The following CDC73 variants were observed in gnomAD, a reference collection of about 807,000 sequenced individuals.
CDC73 encodes cell division cycle 73, also known as parafibromin.
Under a neutral mutation model 83.7 loss-of-function variants are expected in CDC73, and 21 were observed. That is an observed-to-expected ratio of 0.25 (90% CI 0.18 to 0.36). The LOEUF is 0.36. Among genes scored for constraint, CDC73 ranks in the 10% least tolerant of loss-of-function variants. The pLI, the probability that CDC73 is intolerant of heterozygous loss-of-function variation, is 1.00. For synonymous variants in CDC73, 224 were observed against 212.9 expected, an observed-to-expected ratio of 1.05 and a Z score of -0.45; for missense variants, 342 against 653.3, an observed-to-expected ratio of 0.52 and a Z score of 5.19.
At chr1:193,223,070 T>C (rs752072671) in intron 13 of CDC73, among the ~76,000 whole-genome samples, 13 of 152,172 alleles carry the variant, frequency 8.5e-5, no homozygotes, top group South Asian at 2.1e-4. Context: ...TTATCTGTCT[T>C]TGTAATTCTT....
chr1:193,167,573 CA>C (rs1305536101), intron 10 of CDC73, among the ~76,000 whole-genome samples: 1 of 152,104 alleles, frequency 6.6e-6, no homozygotes, highest in African/African-American at 2.4e-5. Context: ...TTAATCAAAT[CA>C]AATTTAATTA....
At chr1:193,240,125 G>A (rs986873770) in intron 15 of CDC73, among the ~76,000 whole-genome samples, 1 of 152,086 alleles carries the variant, frequency 6.6e-6, no homozygotes, top group Non-Finnish European at 1.5e-5. Context: ...TTGTCTTTCT[G>A]TGCCTGGTTT....
At chr1:193,202,282 T>A (rs915256676) in intron 10 of CDC73, among the ~76,000 whole-genome samples, 1 of 152,036 alleles carries the variant, frequency 6.6e-6, no homozygotes, top group Admixed American at 6.6e-5. Context: ...GGTACTGGAA[T>A]TACAAAGAAT....
In CDC73 at chr1:193,152,444, G is replaced by A. The variant is rs369930569; in HGVS notation, c.972G>A (p.Thr324=). ...ATGGTATGACACTGAAATCTGTAAC[G>A]GTAAGTTAATTTGGCTGTAGATGTT... ...TYHGMTLKSV[T]EGASARKTQT... The change falls in exon 10 of 17, where the codon ACG becomes ACA. Residue 324 remains threonine (T), a splice_region_variant and synonymous_variant. Coordinates refer to ENST00000367435, the MANE Select transcript of CDC73 (RefSeq NM_024529.5). The A allele has an allele frequency of 2.5e-6, 4 of 1,599,674 alleles. No individual in the cohort carries two copies. Among genetic ancestry groups the A allele is most frequent in the Non-Finnish European group, 3.4e-6 (4 of 1,167,302 alleles).
chr1:193,138,000 T>G, intron 5 of CDC73, 85 bp from the exon 6 acceptor site: 1 of 961,982 alleles, frequency 1.0e-6, no homozygotes, highest in Admixed American at 1.7e-5. Flanking sequence ...GTAGGAAATT[T>G]GGTAAGGAAA....
At chr1:193,211,976 T>C in intron 11 of CDC73, 89 bp from the exon 12 acceptor site, 1 of 1,014,928 alleles carries the variant, frequency 9.9e-7, no homozygotes, top group East Asian at 2.6e-5. Context: ...GGAATACACA[T>C]AATTTAAAAA....
Position 193,152,464 on chromosome 1 carries a change from G to C in CDC73, c.972+20G>C. 1 of 1,545,790 alleles carries C rather than the reference G, an allele frequency of 6.5e-7. No individual in the cohort carries two copies. On this transcript the variant is annotated intron_variant, in intron 10 of 16. Coordinates refer to ENST00000367435, the MANE Select transcript of CDC73 (RefSeq NM_024529.5). ...GTAACGGTAAGTTAATTTGGCTGTA[G>C]ATGTTCTTTTGTTCCAGGGATTTTA... is the stretch of plus-strand genomic sequence containing the variant.
Position 193,249,851 on chromosome 1 carries a change from G to A in CDC73, c.1539G>A (p.Arg513=). The change falls in exon 16 of 17, where the codon CGG becomes CGA. Residue 513 remains arginine (R), a synonymous_variant. Transcript: ENST00000367435. ...KRHLDRPVFL[R]FWETLDRYMV... is the part of the protein sequence containing the mutation. Reference sequence around the variant, plus strand: ...ATTTGGATAGACCAGTGTTCTTACGGTTTTGGGAAACATTGGACAGGTAAT... The same window carrying A: ...ATTTGGATAGACCAGTGTTCTTACGATTTTGGGAAACATTGGACAGGTAAT... The A allele has an allele frequency of 1.2e-6, 2 of 1,612,504 alleles. No homozygotes were observed. Among genetic ancestry groups the A allele is most frequent in the South Asian group, 1.1e-5 (1 of 91,054 alleles).
intron 13 of CDC73, among the ~76,000 whole-genome samples, chr1:193,220,918 G>A (rs1018386982): frequency 2.6e-5 from 4 of 151,144 alleles, no homozygotes; most frequent in African/African-American, 9.7e-5. Flanking sequence ...TCTAAAAATT[G>A]TTTAGTTTTT....
chr1:193,140,692 A>G (rs1265566817), intron 6 of CDC73, among the ~76,000 whole-genome samples: 1 of 152,226 alleles, frequency 6.6e-6, no homozygotes, highest in East Asian at 1.9e-4. Flanking sequence ...CAAAGGGATC[A>G]TTCGTGTCCG....
intron 15 of CDC73, among the ~76,000 whole-genome samples, chr1:193,237,482 A>G (rs1298486510): frequency 1.3e-5 from 2 of 152,274 alleles, no homozygotes; most frequent in Admixed American, 1.3e-4. Context: ...TCTTACCCGG[A>G]GCCTGATAGC....
At chr1:193,250,651 T>A (rs1678030225) in intron 16 of CDC73, 25 bp from the exon 17 acceptor site, 1 of 1,563,390 alleles carries the variant, frequency 6.4e-7, no homozygotes, top group African/African-American at 1.4e-5. Flanking sequence ...ATAGTCATTA[T>A]AACCTACCAT....
At chr1:193,156,080 G>A (rs1676202545) in intron 10 of CDC73, among the ~76,000 whole-genome samples, 1 of 152,150 alleles carries the variant, frequency 6.6e-6, no homozygotes. Context: ...GACAAAGAAT[G>A]TCACTTGATA....
At chr1:193,188,754 T>A (rs1179640179) in intron 10 of CDC73, among the ~76,000 whole-genome samples, 2 of 152,124 alleles carry the variant, frequency 1.3e-5, no homozygotes, top group Non-Finnish European at 2.9e-5. Context: ...GGTAACGTAT[T>A]CATTAGTGGG....
chr1:193,242,841 C>A (rs1677885768), intron 15 of CDC73, among the ~76,000 whole-genome samples: 1 of 152,058 alleles, frequency 6.6e-6, no homozygotes, highest in South Asian at 2.1e-4. Context: ...ATGAAGTTTG[C>A]AAAAACAAGC....
chr1:193,158,738 G>A (rs983047171), intron 10 of CDC73, among the ~76,000 whole-genome samples: 3 of 151,906 alleles, frequency 2.0e-5, no homozygotes, highest in Non-Finnish European at 2.9e-5. Context: ...TCATGTGTCC[G>A]CCTAGCAGTA....
At chr1:193,183,623 A>G (rs1676756423) in intron 10 of CDC73, among the ~76,000 whole-genome samples, 1 of 151,470 alleles carries the variant, frequency 6.6e-6, no homozygotes, top group Non-Finnish European at 1.5e-5. Context: ...AGACCAGGGA[A>G]CTATTTTTAA....
At chr1:193,143,984 C>T (rs183261069) in intron 7 of CDC73, among the ~76,000 whole-genome samples, 1 of 151,898 alleles carries the variant, frequency 6.6e-6, no homozygotes, top group Admixed American at 6.6e-5. Flanking sequence ...GTGGCATGCG[C>T]TTGTAATCAC....
rs1422889199 is a variant in CDC73, at chr1:193,251,272, A to G, written c.*560A>G. ...ATTCTTCAATTTGATTGAACTGTTC[A>G]GCCTTTTCAAGATTTCTTTATTTAC... On this transcript the variant is annotated 3_prime_UTR_variant, in exon 17 of 17. Transcript: ENST00000367435. 8.6e-6 allele frequency: 2 copies of G among 232,010 alleles called. No homozygotes were observed. Among genetic ancestry groups the G allele is most frequent in the African/African-American group, 4.4e-5 (2 of 45,284 alleles). 14.4% of individuals were successfully genotyped at this position (232,010 alleles called of 1,614,324 possible). A position where few individuals can be genotyped will look rare whatever the true frequency, so the allele number is the denominator to read the frequency against.
Sources: allele counts gnomAD v4.1 joint callset (sites outside exome capture counted in the v4.1 genomes callset), GRCh38; gene constraint gnomAD v4.1.1; transcripts MANE v1.5; gene names NCBI Gene and HGNC (gene_info 2026-07-23, HGNC 2026-07-21).